The following PPP1R1C variants were observed in gnomAD, a reference collection of about 807,000 sequenced individuals.
PPP1R1C encodes the protein protein phosphatase 1 regulatory inhibitor subunit 1C.
A neutral mutation model predicts 17.4 loss-of-function variants in PPP1R1C; 15 were observed. The observed-to-expected ratio is 0.86, with a 90% CI of 0.58 to 1.33. The LOEUF (loss-of-function observed/expected upper bound fraction) is 1.33, where lower values mean the gene tolerates loss of function less well. Ranked by LOEUF, PPP1R1C falls within the 40% of genes most tolerant of loss-of-function variation. The pLI is 0.00. For missense variants in PPP1R1C, 143 were observed against 130.0 expected, an observed-to-expected ratio of 1.10 and a Z score of -0.48; for synonymous variants, 35 against 43.1, an observed-to-expected ratio of 0.81 and a Z score of 0.73.
intron 2 of PPP1R1C, among the ~76,000 whole-genome samples, chr2:181,979,504 T>C (rs79588710): frequency 0.039 from 5,960 of 152,316 alleles, 258 homozygotes; most frequent in Admixed American, 0.15. Flanking sequence ...TTAAAAAACC[T>C]AAATCAAATT....
At chr2:181,982,202 A>G (rs1685206063), upstream of PPP1R1C, among the ~76,000 whole-genome samples, 1 of 152,232 alleles carries the variant, frequency 6.6e-6, no homozygotes, top group East Asian at 1.9e-4. Flanking sequence ...GGTAACAATT[A>G]AAAAACAAGT....
chr2:181,996,905 C>CCTGTCTGAT (rs1325888984), intron 2 of PPP1R1C, among the ~76,000 whole-genome samples: 5 of 152,122 alleles, frequency 3.3e-5, no homozygotes, highest in Admixed American at 6.5e-5. Flanking sequence ...TGCTTTTTCC[C>CCTGTCTGAT]CTGTCTGATG....
In PPP1R1C at chr2:182,031,219, G is replaced by A. The variant is rs149377395; in HGVS notation, c.143-30223G>A. Among the ~76,000 whole-genome samples, 209 of 152,244 alleles carry A rather than the reference G, an allele frequency of 1.4e-3. 1 individual carries two copies. Among genetic ancestry groups the A allele is most frequent in the African/African-American group, 4.3e-3 (177 of 41,534 alleles). ...CTGTAGACCGGAGCTGTTCCTATTC[G>A]GCCATCTTGGCTCCTCCCCCTATAT... is the stretch of plus-strand genomic sequence containing the variant. On this transcript the variant is annotated intron_variant, in intron 2 of 4. Transcript: ENST00000682840.
upstream of PPP1R1C, among the ~76,000 whole-genome samples, chr2:181,981,664 C>T (rs1204609371): frequency 1.3e-5 from 2 of 152,158 alleles, no homozygotes; most frequent in African/African-American, 2.4e-5. Context: ...CAACAGGTTA[C>T]ATTGAATATA....
intron 4 of PPP1R1C, among the ~76,000 whole-genome samples, chr2:182,067,779 C>T (rs142210055): frequency 6.6e-6 from 1 of 152,170 alleles, no homozygotes; most frequent in Non-Finnish European, 1.5e-5. Flanking sequence ...CATATGCATC[C>T]GCAGTGGGAA....
chr2:181,966,540 G>A (rs1684908590), intron 1 of PPP1R1C, among the ~76,000 whole-genome samples: 1 of 151,948 alleles, frequency 6.6e-6, no homozygotes, highest in Non-Finnish European at 1.5e-5. Flanking sequence ...TTTATCAAAT[G>A]CATTTTCAGC....
At chr2:181,960,544 A>G (rs1380663501) in intron 1 of PPP1R1C, among the ~76,000 whole-genome samples, 1 of 152,188 alleles carries the variant, frequency 6.6e-6, no homozygotes, top group Non-Finnish European at 1.5e-5. Context: ...GTCACATGAA[A>G]CGTTTTCCAT....
intron 2 of PPP1R1C, among the ~76,000 whole-genome samples, chr2:182,026,801 A>C (rs1201618492): frequency 1.3e-5 from 2 of 151,124 alleles, no homozygotes; most frequent in Non-Finnish European, 3.0e-5. Flanking sequence ...TACCTTGGGC[A>C]GTATGGCCAT....
chr2:182,111,071 G>T (rs768168473), intron 4 of PPP1R1C, among the ~76,000 whole-genome samples: 16 of 151,980 alleles, frequency 1.1e-4, no homozygotes, highest in Non-Finnish European at 2.1e-4. Flanking sequence ...TTTACGTTTT[G>T]ATAAATGATA....
chr2:182,022,162 A>G (rs1283059163), intron 2 of PPP1R1C, among the ~76,000 whole-genome samples: 4 of 152,266 alleles, frequency 2.6e-5, no homozygotes, highest in Admixed American at 6.5e-5. Context: ...ATTTAATTAA[A>G]GAAACCACTA....
chr2:182,073,207 C>A (rs1432803457), intron 4 of PPP1R1C, among the ~76,000 whole-genome samples: 2 of 151,720 alleles, frequency 1.3e-5, no homozygotes, highest in Non-Finnish European at 2.9e-5. Flanking sequence ...ATTTTATATA[C>A]CTATATATGT....
At chr2:182,125,592 CG>C (rs1689854664) in intron 5 of PPP1R1C, among the ~76,000 whole-genome samples, 1 of 152,020 alleles carries the variant, frequency 6.6e-6, no homozygotes, top group Non-Finnish European at 1.5e-5. Context: ...TTGCTCTATT[CG>C]GGGATTTGAT....
chr2:182,060,514 T>C (rs977714086), intron 2 of PPP1R1C, among the ~76,000 whole-genome samples: 3 of 152,110 alleles, frequency 2.0e-5, no homozygotes, highest in African/African-American at 7.2e-5. Flanking sequence ...AGTTAACATA[T>C]TGGTAGTCTT....
intron 4 of PPP1R1C, among the ~76,000 whole-genome samples, chr2:182,076,761 ATTTTC>A (rs1422078589): frequency 5.3e-5 from 8 of 152,090 alleles, no homozygotes; most frequent in Non-Finnish European, 8.8e-5. Context: ...TGCTTATGCT[ATTTTC>A]TTCAACATTT....
At chr2:182,026,372 G>A (rs1409803540) in intron 2 of PPP1R1C, among the ~76,000 whole-genome samples, 4 of 141,144 alleles carry the variant, frequency 2.8e-5, no homozygotes, top group Admixed American at 2.2e-4. Flanking sequence ...AATCCATCTT[G>A]AATTGATTTT....
Position 182,041,177 on chromosome 2 carries a change from A to T in PPP1R1C, c.143-20265A>T, listed in dbSNP as rs373492141. On this transcript the variant is annotated intron_variant, in intron 2 of 4. Transcript: ENST00000682840. ...TGAATTTTAGGGTTGTTGTTTTCTA[A>T]TTCTGTGAAAAATGATGTTGATATC... 2.0e-5 allele frequency among the ~76,000 whole-genome samples: 3 copies of T among 152,100 alleles called. No homozygotes were observed. In the East Asian group the frequency reaches 5.8e-4, roughly 29 times the overall value.
At chr2:182,126,256 A>G (rs1290919752) in intron 5 of PPP1R1C, among the ~76,000 whole-genome samples, 1 of 152,072 alleles carries the variant, frequency 6.6e-6, no homozygotes, top group Non-Finnish European at 1.5e-5. Flanking sequence ...ATGTCTACTT[A>G]TGTTAAAGTG....
At chr2:182,065,988 T>G (rs1687972236) in intron 4 of PPP1R1C, among the ~76,000 whole-genome samples, 1 of 152,132 alleles carries the variant, frequency 6.6e-6, no homozygotes. Context: ...AGTCCATCAT[T>G]CAAAATGAAT....
downstream of PPP1R1C, among the ~76,000 whole-genome samples, chr2:182,121,403 C>G (rs1689729502): frequency 6.6e-6 from 1 of 152,092 alleles, no homozygotes; most frequent in South Asian, 2.1e-4. Flanking sequence ...CAGAGGCCTT[C>G]TATCTTAACT....
Sources: gnomAD v4.1 joint callset for allele counts (sites outside exome capture counted in the v4.1 genomes callset) on GRCh38, gnomAD v4.1.1 for gene constraint, MANE v1.5 for transcripts, NCBI Gene and HGNC (gene_info 2026-07-23, HGNC 2026-07-21) for gene names.